The following NUBPL variants were observed in gnomAD, a reference collection of about 807,000 sequenced individuals.
NUBPL encodes the protein NUBP iron-sulfur cluster assembly factor, mitochondrial, also known as iron-sulfur cluster transfer protein NUBPL.
A neutral mutation model predicts 45.7 loss-of-function variants in NUBPL; 31 were observed. The observed-to-expected ratio is 0.68, with a 90% CI of 0.51 to 0.92. The LOEUF (loss-of-function observed/expected upper bound fraction) is 0.92, where lower values mean the gene tolerates loss of function less well. NUBPL is among the 40% of genes least tolerant of loss of function. The pLI, the probability that NUBPL is intolerant of heterozygous loss-of-function variation, is 0.00. For missense variants in NUBPL, 401 were observed against 398.7 expected, an observed-to-expected ratio of 1.01 and a Z score of -0.05; for synonymous variants, 144 against 140.9, an observed-to-expected ratio of 1.02 and a Z score of -0.15.
intron 4 of NUBPL, among the ~76,000 whole-genome samples, chr14:31,666,244 TATATATATATATATA>T (rs1566486995): frequency 2.6e-4 from 7 of 27,226 alleles, no homozygotes; most frequent in South Asian, 1.6e-3. Context: ...TATATATATA[TATATATATATATATA>T]TATAATTTTA....
At chr14:31,699,409 C>T (rs2037284853) in intron 6 of NUBPL, among the ~76,000 whole-genome samples, 1 of 152,132 alleles carries the variant, frequency 6.6e-6, no homozygotes, top group Non-Finnish European at 1.5e-5. Flanking sequence ...TACTGTTTAT[C>T]TGCATTCACA....
intron 7 of NUBPL, among the ~76,000 whole-genome samples, chr14:31,798,517 G>T (rs1360231053): frequency 6.6e-6 from 1 of 151,454 alleles, no homozygotes; most frequent in Non-Finnish European, 1.5e-5. Flanking sequence ...TTTATGCCAG[G>T]TGCGGTGGCT....
chr14:31,700,917 A>G (rs2037321648), intron 6 of NUBPL, among the ~76,000 whole-genome samples: 1 of 150,964 alleles, frequency 6.6e-6, no homozygotes. Context: ...TCGACCGCCC[A>G]AGGGCTGAGG....
At chr14:31,564,278 ACT>A (rs1461906198) in intron 2 of NUBPL, among the ~76,000 whole-genome samples, 3 of 151,860 alleles carry the variant, frequency 2.0e-5, no homozygotes, top group Non-Finnish European at 4.4e-5. Context: ...AACACATTTT[ACT>A]CTCTTACCTT....
At chr14:31,787,453 T>C (rs749896564) in intron 6 of NUBPL, among the ~76,000 whole-genome samples, 8 of 152,206 alleles carry the variant, frequency 5.3e-5, no homozygotes, top group Non-Finnish European at 1.5e-5. Flanking sequence ...TAATATCTTC[T>C]TTAGGCAAAA....
chr14:31,577,345 GTTC>G (rs751533399), intron 3 of NUBPL, among the ~76,000 whole-genome samples: 106 of 152,270 alleles, frequency 7.0e-4, no homozygotes, highest in Non-Finnish European at 1.4e-3. Flanking sequence ...TTAAATAATG[GTTC>G]TTCATATTGA....
chr14:31,672,301 G>GTGTGTGTGTGTGTGCA (rs1445604423), intron 4 of NUBPL, among the ~76,000 whole-genome samples: 2 of 150,392 alleles, frequency 1.3e-5, no homozygotes, highest in Non-Finnish European at 3.0e-5. Context: ...GTGTGTGTGT[G>GTGTGTGTGTGTGTGCA]TGTGTGCATG....
chr14:31,757,425 C>T (rs1424708347), intron 6 of NUBPL, among the ~76,000 whole-genome samples: 5 of 151,636 alleles, frequency 3.3e-5, no homozygotes, highest in African/African-American at 9.7e-5. Context: ...CTGGTTTAGT[C>T]TTGGGAGGGT....
intron 6 of NUBPL, among the ~76,000 whole-genome samples, chr14:31,757,855 C>G (rs891997086): frequency 6.6e-6 from 1 of 152,100 alleles, no homozygotes. Flanking sequence ...CTTACCTCAT[C>G]TCTACCATGC....
At chr14:31,755,767 C>G (rs1365831065) in intron 6 of NUBPL, among the ~76,000 whole-genome samples, 1 of 151,700 alleles carries the variant, frequency 6.6e-6, no homozygotes, top group Non-Finnish European at 1.5e-5. Flanking sequence ...ACATGAAGTC[C>G]TTGCCCATGC....
At chr14:31,799,129 A>C (rs1271257909) in intron 7 of NUBPL, among the ~76,000 whole-genome samples, 8 of 152,176 alleles carry the variant, frequency 5.3e-5, no homozygotes, top group Admixed American at 1.3e-4. Flanking sequence ...GGGAAGAGAC[A>C]ATCTTTTGGA....
chr14:31,621,167 C>G (rs2035050047), intron 4 of NUBPL, among the ~76,000 whole-genome samples: 1 of 152,202 alleles, frequency 6.6e-6, no homozygotes, highest in South Asian at 2.1e-4. Flanking sequence ...TGACCTCAGA[C>G]TGCTGTGCTG....
intron 8 of NUBPL, among the ~76,000 whole-genome samples, chr14:31,836,548 A>G (rs762026548): frequency 6.6e-6 from 1 of 152,206 alleles, no homozygotes; most frequent in Non-Finnish European, 1.5e-5. Context: ...ATTCTTTCCT[A>G]TTTAAGAGAG....
intron 6 of NUBPL, among the ~76,000 whole-genome samples, chr14:31,775,142 G>A (rs2039076747): frequency 6.6e-6 from 1 of 152,202 alleles, no homozygotes; most frequent in Non-Finnish European, 1.5e-5. Flanking sequence ...AAGTGGCTGG[G>A]CATGGTGGCT....
intron 6 of NUBPL, among the ~76,000 whole-genome samples, chr14:31,745,609 C>T (rs1347590225): frequency 6.6e-6 from 1 of 151,668 alleles, no homozygotes; most frequent in Non-Finnish European, 1.5e-5. Context: ...TATGTAAATG[C>T]TACTGATTTT....
chr14:31,571,429 T>C (rs1164600844), intron 3 of NUBPL, among the ~76,000 whole-genome samples: 1 of 151,784 alleles, frequency 6.6e-6, no homozygotes, highest in African/African-American at 2.4e-5. Flanking sequence ...CTCATTGAAG[T>C]GTTCCCTGAA....
intron 4 of NUBPL, among the ~76,000 whole-genome samples, chr14:31,623,445 G>C (rs1332395475): frequency 6.6e-6 from 1 of 152,160 alleles, no homozygotes; most frequent in East Asian, 1.9e-4. Flanking sequence ...GGGGCTGGGG[G>C]AATGATATTG....
At chr14:31,816,645 C>A (rs908880557) in intron 7 of NUBPL, among the ~76,000 whole-genome samples, 1 of 152,110 alleles carries the variant, frequency 6.6e-6, no homozygotes, top group Non-Finnish European at 1.5e-5. Context: ...TAGATCTTTC[C>A]TGCTTTCTCC....
chr14:31,718,408 G>T (rs959011438), intron 6 of NUBPL, among the ~76,000 whole-genome samples: 14 of 152,058 alleles, frequency 9.2e-5, no homozygotes, highest in Non-Finnish European at 1.9e-4. Context: ...CATCTAAATG[G>T]AAAAATGCTT....
Sources: allele counts gnomAD v4.1 joint callset (sites outside exome capture counted in the v4.1 genomes callset), GRCh38; gene constraint gnomAD v4.1.1; transcripts MANE v1.5; gene names NCBI Gene and HGNC (gene_info 2026-07-23, HGNC 2026-07-21).